C8orf34: variants seen among roughly 807,000 people sequenced by gnomAD.
C8orf34 encodes the protein chromosome 8 open reading frame 34, also known as uncharacterized protein C8orf34.
Under a neutral mutation model 68.3 loss-of-function variants are expected in C8orf34, and 65 were observed. The observed-to-expected ratio is 0.95, with a 90% confidence interval of 0.78 to 1.17. The LOEUF is 1.17. Among genes scored for constraint, C8orf34 ranks in the 50% most tolerant of loss-of-function variants. C8orf34 has a pLI of 0.00. For missense variants in C8orf34, 664 were observed against 655.4 expected (o/e 1.01, Z -0.14); for synonymous variants, 244 against 241.2 (o/e 1.01, Z -0.11).
At chr8:68,766,195 G>C (rs894839737) in intron 10 of C8orf34, among the ~76,000 whole-genome samples, 21 of 152,190 alleles carry the variant, frequency 1.4e-4, no homozygotes, top group African/African-American at 4.8e-4. Flanking sequence ...GAGACGTAAA[G>C]TCCTTGGTAT....
At chr8:68,623,496 G>C (rs1191769809) in intron 7 of C8orf34, among the ~76,000 whole-genome samples, 1 of 152,080 alleles carries the variant, frequency 6.6e-6, no homozygotes, top group African/African-American at 2.4e-5. Flanking sequence ...AATCACCCGT[G>C]GTTGACAACC....
intron 7 of C8orf34, among the ~76,000 whole-genome samples, chr8:68,541,500 A>G (rs527697497): frequency 3.3e-5 from 5 of 152,096 alleles, no homozygotes; most frequent in African/African-American, 1.2e-4. Flanking sequence ...AGAGATAGAG[A>G]AAAGACTTGT....
At chr8:68,480,276 C>T (rs1045964084) in intron 4 of C8orf34, among the ~76,000 whole-genome samples, 3 of 152,186 alleles carry the variant, frequency 2.0e-5, no homozygotes, top group African/African-American at 7.2e-5. Flanking sequence ...TCCTCATTTT[C>T]TCTTGCCTCT....
In C8orf34 at chr8:68,759,072, A is replaced by T. The variant is rs1367842454; in HGVS notation, c.1405-17327A>T. Among the ~76,000 whole-genome samples, 28 of 152,164 alleles carry T rather than the reference A, an allele frequency of 1.8e-4. 2 individuals are homozygous for T. The highest frequency in any genetic ancestry group is 1.8e-3 in the Admixed American group (28 of 15,274). On this transcript the variant is annotated intron_variant, in intron 10 of 13. Transcript: ENST00000518698. Reference sequence around the variant, plus strand: ...ATCTTAAAAAATTATACGTAGACACATACATACATATACACAAACACACAC... The same window carrying T: ...ATCTTAAAAAATTATACGTAGACACTTACATACATATACACAAACACACAC...
chr8:68,388,335 C>T (rs778099892), intron 1 of C8orf34, among the ~76,000 whole-genome samples: 14 of 152,142 alleles, frequency 9.2e-5, no homozygotes, highest in Non-Finnish European at 1.9e-4. Flanking sequence ...TCTGACATAG[C>T]TTTCCTTCTC....
intron 1 of C8orf34, among the ~76,000 whole-genome samples, chr8:68,382,147 T>C (rs1430518990): frequency 6.6e-6 from 1 of 152,236 alleles, no homozygotes; most frequent in Non-Finnish European, 1.5e-5. Context: ...TGAATATTTA[T>C]ATTTTGCATC....
At chr8:68,333,429 A>G (rs561745793) in intron 1 of C8orf34, among the ~76,000 whole-genome samples, 1 of 152,352 alleles carries the variant, frequency 6.6e-6, no homozygotes, top group South Asian at 2.1e-4. Context: ...AATTGAAGGG[A>G]GAAAAATGGA....
In C8orf34 at chr8:68,401,118, T is replaced by TG. The variant is rs1365263812; in HGVS notation, c.328-38381_328-38380insG. ...TCCTTGGTTAAACATATTCCTAGTT[T>TG]TTTTTTTTTTTTGTAGCTATTGTAA... On this transcript the variant is annotated intron_variant, in intron 1 of 13. Transcript: ENST00000518698. Among the ~76,000 whole-genome samples the TG allele has an allele frequency of 5.6e-5, 7 of 125,382 alleles. No homozygotes were observed. In the East Asian group the frequency reaches 1.7e-3, roughly 30 times the overall value. 82.3% of individuals were successfully genotyped at this position (125,382 alleles called of 152,430 possible). A position where few individuals can be genotyped will look rare whatever the true frequency, so the allele number is the denominator to read the frequency against.
intron 1 of C8orf34, among the ~76,000 whole-genome samples, chr8:68,421,962 AG>A (rs1253618975): frequency 6.6e-6 from 1 of 152,150 alleles, no homozygotes; most frequent in African/African-American, 2.4e-5. Context: ...AGATCTTTTG[AG>A]ACTCATTCAC....
chr8:68,708,175 T>C (rs1468675721), intron 8 of C8orf34, among the ~76,000 whole-genome samples: 2 of 152,172 alleles, frequency 1.3e-5, no homozygotes, highest in African/African-American at 2.4e-5. Flanking sequence ...TAAGTAAGTA[T>C]AAATGTATAA....
At chr8:68,468,625 A>G in intron 3 of C8orf34, 67 bp from the exon 4 acceptor site, 1 of 1,497,686 alleles carries the variant, frequency 6.7e-7, no homozygotes, top group East Asian at 2.3e-5. Context: ...CTTTCACGTG[A>G]TGATGAATAG....
At chr8:68,651,698 A>G (rs1403846756) in intron 8 of C8orf34, among the ~76,000 whole-genome samples, 1 of 152,210 alleles carries the variant, frequency 6.6e-6, no homozygotes, top group Non-Finnish European at 1.5e-5. Context: ...GGAGCTAAAC[A>G]CTGGGTACAC....
intron 7 of C8orf34, among the ~76,000 whole-genome samples, chr8:68,565,146 T>C (rs1408505524): frequency 6.6e-6 from 1 of 152,220 alleles, no homozygotes; most frequent in Non-Finnish European, 1.5e-5. Flanking sequence ...CTTTATATCA[T>C]GTCTAACCCC....
intron 1 of C8orf34, among the ~76,000 whole-genome samples, chr8:68,394,236 C>T (rs1179142983): frequency 8.1e-6 from 1 of 123,174 alleles, no homozygotes; most frequent in Non-Finnish European, 1.7e-5. Flanking sequence ...TATCCCTCCC[C>T]CCTCCCCCCA....
chr8:68,588,358 T>C (rs1817269343), intron 7 of C8orf34, among the ~76,000 whole-genome samples: 3 of 152,126 alleles, frequency 2.0e-5, no homozygotes. Context: ...ATATAGTATA[T>C]AGGGTGGTGT....
chr8:68,576,427 G>GTT (rs1816909221), intron 7 of C8orf34, among the ~76,000 whole-genome samples: 1 of 151,714 alleles, frequency 6.6e-6, no homozygotes, highest in Admixed American at 6.6e-5. Flanking sequence ...CCTAGAGTCT[G>GTT]TTTAATGTCA....
intron 5 of C8orf34, among the ~76,000 whole-genome samples, chr8:68,498,734 A>T (rs1288576167): frequency 6.6e-6 from 1 of 152,226 alleles, no homozygotes; most frequent in Non-Finnish European, 1.5e-5. Context: ...CCTGATTTCA[A>T]ATCAGAAATA....
At chr8:68,718,893 C>A (rs1330602467) in intron 9 of C8orf34, among the ~76,000 whole-genome samples, 1 of 151,892 alleles carries the variant, frequency 6.6e-6, no homozygotes, top group Non-Finnish European at 1.5e-5. Flanking sequence ...GCTTCAGTTT[C>A]TTCTTCTCTA....
intron 8 of C8orf34, among the ~76,000 whole-genome samples, chr8:68,641,524 G>A (rs1946673): frequency 2.9e-3 from 443 of 152,254 alleles, no homozygotes; most frequent in African/African-American, 0.01. Flanking sequence ...TTTTAGTAGG[G>A]CTGTGAAGAG....
Sources: gnomAD v4.1 joint callset for allele counts (sites outside exome capture counted in the v4.1 genomes callset) on GRCh38, gnomAD v4.1.1 for gene constraint, MANE v1.5 for transcripts, NCBI Gene and HGNC (gene_info 2026-07-23, HGNC 2026-07-21) for gene names.